The following MX1 variants were observed in gnomAD, a reference collection of about 807,000 sequenced individuals.
MX1 encodes MX dynamin like GTPase 1.
A neutral mutation model predicts 66.4 loss-of-function variants in MX1; 66 were observed. That is an observed-to-expected ratio of 0.99 (90% CI 0.82 to 1.22). The LOEUF is 1.22. Ranked by LOEUF, MX1 falls within the 50% of genes most tolerant of loss-of-function variation. The probability of loss-of-function intolerance (pLI) is 0.00; values close to 1 mark genes in which losing one functional copy is unlikely to be tolerated. For synonymous variants in MX1, 311 were observed against 318.1 expected (o/e 0.98, Z 0.24); for missense variants, 787 against 834.3 (o/e 0.94, Z 0.70).
At chr21:41,446,164 T>C (rs1267340589) in intron 13 of MX1, 23 bp downstream of exon 13, 6 of 1,604,388 alleles carry the variant, frequency 3.7e-6, no homozygotes, top group Middle Eastern at 3.3e-4. Context: ...GTCCCTTCTT[T>C]TGGGCTGCTA....
chr21:41,453,100 G>A (rs1198532629), intron 16 of MX1, among the ~76,000 whole-genome samples: 1 of 152,182 alleles, frequency 6.6e-6, no homozygotes, highest in African/African-American at 2.4e-5. Context: ...CATGGCTGGG[G>A]AGGCCTTCTA....
chr21:41,445,856 A>G (rs2090647042), intron 12 of MX1, 144 bp from the exon 13 acceptor site: 1 of 1,106,582 alleles, frequency 9.0e-7, no homozygotes, highest in Non-Finnish European at 1.3e-6. Context: ...CTAGTGCCAA[A>G]ACCTCTTCTT....
chr21:41,451,357 C>G, intron 15 of MX1, 114 bp downstream of exon 15: 1 of 739,124 alleles, frequency 1.4e-6, no homozygotes, highest in Non-Finnish European at 2.3e-6. Flanking sequence ...ACTTTTAGAA[C>G]AGCAAATAAC....
chr21:41,444,710 C>T (rs1230466566), intron 11 of MX1, among the ~76,000 whole-genome samples: 1 of 152,100 alleles, frequency 6.6e-6, no homozygotes, highest in Non-Finnish European at 1.5e-5. Flanking sequence ...TTCCCCACCT[C>T]GAGCAAGCCC....
At chr21:41,424,226 A>AGTGTGT (rs3037030), upstream of MX1, among the ~76,000 whole-genome samples, 2,239 of 146,284 alleles carry the variant, frequency 0.015, 31 homozygotes, top group South Asian at 0.039. Flanking sequence ...AGAGGGGTTG[A>AGTGTGT]GTGTGTGTGT....
chr21:41,452,840 A>G lies in MX1; in HGVS notation c.1729A>G (p.Ile577Val), dbSNP rs1365819458. The stretch of plus-strand genomic sequence containing the variant: ...GGCAACAGACTCTTCCATGGAGGAG[A>G]TCTTTCAGCACCTGATGGCCTATCA... ...SSATDSSMEEIFQHLMAYHQE... is the reference protein window; with the variant it reads ...SSATDSSMEEVFQHLMAYHQE... The change falls in exon 16 of 17, where the codon ATC becomes GTC. Residue 577 changes from isoleucine (I) to valine (V), a missense_variant. By Grantham distance (29) the Ile-to-Val change is conservative (BLOSUM62 3). Coordinates refer to ENST00000398598, the MANE Select transcript of MX1 (RefSeq NM_002462.5). 4 of 1,614,122 alleles carry G rather than the reference A, an allele frequency of 2.5e-6. No individual in the cohort carries two copies. Among genetic ancestry groups the G allele is most frequent in the Non-Finnish European group, 3.4e-6 (4 of 1,180,020 alleles).
In MX1 at chr21:41,436,967, G is replaced by C. The variant is rs1227055775; in HGVS notation, c.299-48G>C. The C allele has an allele frequency of 3.1e-6, 5 of 1,607,496 alleles. No individual in the cohort carries two copies. The East Asian group carries it at 1.1e-4, about 36-fold the overall frequency. ...AACCATGGGCCTAAGGCGCTATGTA[G>C]GTCTTTTAAGAGCAAAGTGGAGCAC... On this transcript the variant is annotated intron_variant, in intron 6 of 16. Coordinates refer to ENST00000398598, the MANE Select transcript of MX1 (RefSeq NM_002462.5).
Position 41,448,792 on chromosome 21 carries a change from C to T in MX1, c.1274-345C>T, listed in dbSNP as rs529397255. Among the ~76,000 whole-genome samples the T allele has an allele frequency of 2.6e-5, 4 of 151,924 alleles. No homozygotes were observed. The East Asian group carries it at 7.8e-4, about 29-fold the overall frequency. On this transcript the variant is annotated intron_variant, in intron 13 of 16. Coordinates refer to ENST00000398598, the MANE Select transcript of MX1 (RefSeq NM_002462.5). Reference sequence around the variant, plus strand: ...CTGCACTCCAGCCTGGGTGACAGAGCGAGACTCTGTCACAAACAAACAAAT... The same window carrying T: ...CTGCACTCCAGCCTGGGTGACAGAGTGAGACTCTGTCACAAACAAACAAAT...
rs568801893 is a variant in MX1, at chr21:41,459,109, A to G, written c.*351A>G. 163 of 349,970 alleles carry G rather than the reference A, an allele frequency of 4.7e-4. 2 individuals are homozygous for G. Among genetic ancestry groups the G allele is most frequent in the African/African-American group, 2.9e-3 (140 of 48,234 alleles). The allele number at this position is 349,970 out of a possible 1,614,324, so 21.7% of individuals were successfully genotyped here. A position where few individuals can be genotyped will look rare whatever the true frequency, so the allele number is the denominator to read the frequency against. On this transcript the variant is annotated 3_prime_UTR_variant, in exon 17 of 17. Transcript: ENST00000398598. ...TCACAGCTTATTTCCTCATTTTTATAATGTCCCTTCACAAACCCAGTGTTT... is the reference window on the plus strand; with the variant it reads ...TCACAGCTTATTTCCTCATTTTTATGATGTCCCTTCACAAACCCAGTGTTT...
chr21:41,447,792 G>A (rs917544716), intron 13 of MX1, among the ~76,000 whole-genome samples: 1 of 152,110 alleles, frequency 6.6e-6, no homozygotes, highest in Non-Finnish European at 1.5e-5. Flanking sequence ...CTGGGGTGCA[G>A]TGGCTCAGTC....
At chr21:41,446,626 A>G (rs1429626234) in intron 13 of MX1, among the ~76,000 whole-genome samples, 1 of 151,934 alleles carries the variant, frequency 6.6e-6, no homozygotes, top group African/African-American at 2.4e-5. Context: ...ACTGGAAAAA[A>G]ATGGTGCTGA....
chr21:41,452,919 T>C, intron 16 of MX1, 50 bp downstream of exon 16: 1 of 1,594,788 alleles, frequency 6.3e-7, no homozygotes, highest in African/African-American at 1.3e-5. Flanking sequence ...TTCCTTTTCT[T>C]CTGAACGCCT....
chr21:41,433,981 T>C (rs1209211704), intron 5 of MX1, among the ~76,000 whole-genome samples: 1 of 152,204 alleles, frequency 6.6e-6, no homozygotes, highest in East Asian at 1.9e-4. Context: ...TCTAGAGACA[T>C]CTTGGTTGTC....
At chr21:41,425,697 CAGGG>C (rs972960903), upstream of MX1, among the ~76,000 whole-genome samples, 9 of 152,228 alleles carry the variant, frequency 5.9e-5, no homozygotes, top group African/African-American at 2.2e-4. Context: ...AGCCAGACTC[CAGGG>C]AGGCCTAGAA....
In MX1 at chr21:41,458,712, C is replaced by A. The variant is rs2146398181; in HGVS notation, c.1943C>A (p.Ala648Glu). The stretch of plus-strand genomic sequence containing the variant: ...CGGAAGTTCCTGAAGGAGCGGCTTG[C>A]ACGGCTGACGCAGGCTCGGCGCCGG... The part of the protein sequence containing the change: ...DKRKFLKERL[A>E]RLTQARRRLA... The change falls in exon 17 of 17, where the codon GCA becomes GAA. Residue 648 changes from alanine to glutamate, a missense_variant. Ala to Glu is a moderately radical substitution (Grantham distance 107). Coordinates refer to ENST00000398598, the MANE Select transcript of MX1 (RefSeq NM_002462.5). The A allele has an allele frequency of 6.2e-7, 1 of 1,613,998 alleles. No homozygotes were observed. The highest frequency in any genetic ancestry group is 1.1e-5 in the South Asian group (1 of 91,084).
In MX1 at chr21:41,445,479, A is replaced by C; in HGVS notation, c.1040A>C (p.Lys347Thr). 3 of 1,614,134 alleles carry C rather than the reference A, an allele frequency of 1.9e-6. No individual in the cohort carries two copies. The highest frequency in any genetic ancestry group is 2.5e-6 in the Non-Finnish European group (3 of 1,179,982). ...KSLPLLENQI[K>T]ETHQRITEEL... ...CTGCCCCTGTTAGAAAATCAAATCA[A>C]GGAGACTCACCAGAGAATAACAGAG... Residue 347 changes from lysine (K) to threonine (T), a missense_variant, in exon 12 of 17, where the codon AAG becomes ACG. Lys to Thr is a moderately conservative substitution (Grantham distance 78). Transcript: ENST00000398598.
At chr21:41,448,291 G>T (rs1211016096) in intron 13 of MX1, among the ~76,000 whole-genome samples, 1 of 152,164 alleles carries the variant, frequency 6.6e-6, no homozygotes, top group African/African-American at 2.4e-5. Context: ...CATACAAGTT[G>T]ATGTGCCTGG....
chr21:41,447,357 G>A (rs906813504), intron 13 of MX1, among the ~76,000 whole-genome samples: 4 of 152,150 alleles, frequency 2.6e-5, no homozygotes, highest in Non-Finnish European at 2.9e-5. Flanking sequence ...CTGAGTTTCT[G>A]AGGGTTAGGA....
chr21:41,435,334 C>T (rs891707928), intron 5 of MX1, among the ~76,000 whole-genome samples: 13 of 152,130 alleles, frequency 8.5e-5, no homozygotes, highest in African/African-American at 2.7e-4. Context: ...TGTATTATTT[C>T]TTCAAATATT....
Sources: gnomAD v4.1 joint callset for allele counts (sites outside exome capture counted in the v4.1 genomes callset) on GRCh38, gnomAD v4.1.1 for gene constraint, MANE v1.5 for transcripts, NCBI Gene and HGNC (gene_info 2026-07-23, HGNC 2026-07-21) for gene names.